The following LHFPL3 variants were observed in gnomAD, a reference collection of about 807,000 sequenced individuals.
LHFPL3 encodes the protein LHFPL tetraspan subfamily member 3 protein.
A neutral mutation model predicts 19.3 loss-of-function variants in LHFPL3; 5 were observed. The observed-to-expected ratio is 0.26, with a 90% confidence interval of 0.14 to 0.54. The LOEUF (loss-of-function observed/expected upper bound fraction) is 0.54. Among genes scored for constraint, LHFPL3 ranks in the 20% least tolerant of loss-of-function variants. The pLI is 0.94. For missense variants in LHFPL3, 249 were observed against 307.4 expected (o/e 0.81, Z 1.42); for synonymous variants, 133 against 126.2 (o/e 1.05, Z -0.36).
intron 1 of LHFPL3, among the ~76,000 whole-genome samples, chr7:104,363,842 G>A (rs1282347204): frequency 6.6e-6 from 1 of 152,194 alleles, no homozygotes; most frequent in African/African-American, 2.4e-5. Flanking sequence ...CTGGATTTTG[G>A]TGAGCAGTAG....
chr7:104,768,512 G>A (rs1010743370), intron 2 of LHFPL3, among the ~76,000 whole-genome samples: 1 of 152,108 alleles, frequency 6.6e-6, no homozygotes. Context: ...GACAATGCAG[G>A]GAATTTCTAA....
At chr7:104,789,488 A>G (rs1789982161) in intron 2 of LHFPL3, among the ~76,000 whole-genome samples, 3 of 152,288 alleles carry the variant, frequency 2.0e-5, no homozygotes, top group Non-Finnish European at 4.4e-5. Context: ...CTTCATGGAA[A>G]GCCACTATGC....
At chr7:104,565,962 A>G (rs576814411) in intron 1 of LHFPL3, among the ~76,000 whole-genome samples, 7 of 152,110 alleles carry the variant, frequency 4.6e-5, no homozygotes, top group Admixed American at 2.6e-4. Context: ...ACGGCCAGCC[A>G]TTCACCAGAG....
At chr7:104,339,211 G>A (rs981936841) in intron 1 of LHFPL3, among the ~76,000 whole-genome samples, 2 of 151,898 alleles carry the variant, frequency 1.3e-5, no homozygotes, top group Admixed American at 6.6e-5. Flanking sequence ...TGTTGCCATT[G>A]CACTTCACCC....
chr7:104,410,953 A>G (rs1791523876), intron 1 of LHFPL3, among the ~76,000 whole-genome samples: 1 of 152,182 alleles, frequency 6.6e-6, no homozygotes, highest in Non-Finnish European at 1.5e-5. Context: ...GTACAGGAAA[A>G]CAGGAGTATC....
chr7:104,847,112 CAGAT>C (rs1377646524), intron 2 of LHFPL3, among the ~76,000 whole-genome samples: 2 of 152,198 alleles, frequency 1.3e-5, no homozygotes, highest in African/African-American at 2.4e-5. Context: ...CTATCAAACT[CAGAT>C]AGATGTGGCA....
chr7:104,531,573 G>A (rs571161120), intron 1 of LHFPL3, among the ~76,000 whole-genome samples: 35 of 152,108 alleles, frequency 2.3e-4, no homozygotes, highest in Middle Eastern at 3.4e-3. Context: ...AAGAAAGCCC[G>A]GCCCACCTAC....
At chr7:104,574,500 G>A (rs762728460) in intron 1 of LHFPL3, among the ~76,000 whole-genome samples, 11 of 152,208 alleles carry the variant, frequency 7.2e-5, no homozygotes, top group Non-Finnish European at 1.6e-4. Flanking sequence ...GTGAAAGACT[G>A]CTCAAAGCAA....
At chr7:104,693,203 C>T (rs920122030) in intron 1 of LHFPL3, among the ~76,000 whole-genome samples, 1 of 152,168 alleles carries the variant, frequency 6.6e-6, no homozygotes, top group Non-Finnish European at 1.5e-5. Context: ...TGCCTGTACC[C>T]CCATTGTATC....
At chr7:104,653,533 G>T (rs974327579) in intron 1 of LHFPL3, among the ~76,000 whole-genome samples, 1 of 152,302 alleles carries the variant, frequency 6.6e-6, no homozygotes. Flanking sequence ...TATGGTGTCT[G>T]TGTCTATTTT....
intron 1 of LHFPL3, among the ~76,000 whole-genome samples, chr7:104,600,310 T>A (rs1790938543): frequency 6.6e-6 from 1 of 152,212 alleles, no homozygotes. Context: ...CTACATTTAT[T>A]GAGATACGGA....
intron 1 of LHFPL3, among the ~76,000 whole-genome samples, chr7:104,726,681 C>T (rs376485836): frequency 2.6e-5 from 4 of 152,176 alleles, no homozygotes; most frequent in Non-Finnish European, 4.4e-5. Context: ...TTTATGGATG[C>T]ATGGTATTCC....
At chr7:104,617,481 G>A (rs1301380306) in intron 1 of LHFPL3, among the ~76,000 whole-genome samples, 2 of 152,040 alleles carry the variant, frequency 1.3e-5, no homozygotes, top group African/African-American at 4.8e-5. Context: ...TTTTGATAGT[G>A]GCATCTTACA....
chr7:104,737,623 A>T (rs971044725), intron 2 of LHFPL3, among the ~76,000 whole-genome samples: 1 of 152,200 alleles, frequency 6.6e-6, no homozygotes, highest in Non-Finnish European at 1.5e-5. Flanking sequence ...TTGAAGATGA[A>T]TCTTTTAATT....
intron 1 of LHFPL3, among the ~76,000 whole-genome samples, chr7:104,447,071 T>C (rs181201529): frequency 4.3e-4 from 66 of 152,348 alleles, no homozygotes; most frequent in African/African-American, 1.6e-3. Flanking sequence ...AGGGACAGTA[T>C]TGGAATCTGT....
chr7:104,838,344 C>T (rs1388118086), intron 2 of LHFPL3, among the ~76,000 whole-genome samples: 3 of 152,176 alleles, frequency 2.0e-5, no homozygotes, highest in Non-Finnish European at 4.4e-5. Context: ...GCTCCTAACC[C>T]TACATATACA....
chr7:104,776,891 G>T (rs1404300907), intron 2 of LHFPL3, among the ~76,000 whole-genome samples: 2 of 152,184 alleles, frequency 1.3e-5, no homozygotes, highest in Non-Finnish European at 2.9e-5. Flanking sequence ...ACTTGTGGCT[G>T]AAAACCCTTC....
chr7:104,398,641 GA>G (rs1170886560), intron 1 of LHFPL3, among the ~76,000 whole-genome samples: 2 of 152,164 alleles, frequency 1.3e-5, no homozygotes, highest in East Asian at 3.8e-4. Context: ...AACTGAGACA[GA>G]GGGATAAAGT....
intron 2 of LHFPL3, among the ~76,000 whole-genome samples, chr7:104,903,984 T>C (rs189225564): frequency 2.6e-5 from 4 of 152,352 alleles, no homozygotes; most frequent in African/African-American, 9.6e-5. Flanking sequence ...TAGTTCTGTT[T>C]TAAGTTGTTG....
Sources: gnomAD v4.1 joint callset for allele counts (sites outside exome capture counted in the v4.1 genomes callset) on GRCh38, gnomAD v4.1.1 for gene constraint, MANE v1.5 for transcripts, NCBI Gene and HGNC (gene_info 2026-07-23, HGNC 2026-07-21) for gene names.